Variants in TEX9 observed in about 807,000 individuals in gnomAD.
TEX9 encodes testis expressed 9.
A neutral mutation model predicts 59.6 loss-of-function variants in TEX9; 74 were observed. That is an observed-to-expected ratio of 1.24 (90% CI 1.03 to 1.51). The LOEUF (loss-of-function observed/expected upper bound fraction) is 1.51, where lower values mean the gene tolerates loss of function less well. Ranked by LOEUF, TEX9 falls within the 40% of genes most tolerant of loss-of-function variation. The pLI, the probability that TEX9 is intolerant of heterozygous loss-of-function variation, is 0.00. For missense variants in TEX9, 522 were observed against 447.8 expected (o/e 1.17, Z -1.49); for synonymous variants, 186 against 152.2 (o/e 1.22, Z -1.64).
chr15:56,390,200 G>C (rs1488796166), intron 6 of TEX9, among the ~76,000 whole-genome samples: 2 of 151,786 alleles, frequency 1.3e-5, no homozygotes, highest in African/African-American at 4.8e-5. Context: ...TATATAACTG[G>C]AAAGGGTTAT....
chr15:56,327,938 C>T lies in TEX9; in HGVS notation c.-106-45503C>T, dbSNP rs142618404. On this transcript the variant is annotated intron_variant, in intron 1 of 5. Transcript: ENST00000560827. ...CAAGAACCGCAACTCTTAGGCAAGT[C>T]GTAGTGCTGAACTGGGCTTGAGGCC... is the stretch of plus-strand genomic sequence containing the variant. 2.8e-3 allele frequency among the ~76,000 whole-genome samples: 422 copies of T among 152,122 alleles called. 4 individuals carry two copies. Among genetic ancestry groups the T allele is most frequent in the African/African-American group, 9.7e-3 (401 of 41,470 alleles).
chr15:56,300,706 A>AGAGAGAGAGAGG (rs1555431661), intron 1 of TEX9, among the ~76,000 whole-genome samples: 6 of 109,146 alleles, frequency 5.5e-5, no homozygotes, highest in Admixed American at 9.9e-5. Context: ...AGAGAGAGAG[A>AGAGAGAGAGAGG]GGGAGAGAGA....
At chr15:56,311,154 T>A (rs1197342592) in intron 1 of TEX9, among the ~76,000 whole-genome samples, 40 of 144,442 alleles carry the variant, frequency 2.8e-4, no homozygotes, top group Admixed American at 1.5e-3. Context: ...TTTTTTTTTT[T>A]AATTATACTT....
intron 1 of TEX9, among the ~76,000 whole-genome samples, chr15:56,341,089 T>C (rs1194582531): frequency 1.3e-5 from 2 of 152,166 alleles, no homozygotes; most frequent in Non-Finnish European, 2.9e-5. Flanking sequence ...TTTCTAAAGT[T>C]CTGCCACTCT....
chr15:56,293,042 A>G (rs2045133423), intron 1 of TEX9, among the ~76,000 whole-genome samples: 1 of 152,130 alleles, frequency 6.6e-6, no homozygotes, highest in Non-Finnish European at 1.5e-5. Flanking sequence ...TGACTAAGAC[A>G]TTTCCTTCTT....
intron 10 of TEX9, among the ~76,000 whole-genome samples, chr15:56,414,750 A>G (rs537074817): frequency 6.6e-6 from 1 of 151,966 alleles, no homozygotes; most frequent in Admixed American, 6.5e-5. Context: ...TCCTCTGGGT[A>G]TAATACCAAT....
chr15:56,320,688 T>C (rs1680716504), intron 1 of TEX9, among the ~76,000 whole-genome samples: 1 of 152,204 alleles, frequency 6.6e-6, no homozygotes, highest in Non-Finnish European at 1.5e-5. Flanking sequence ...TTGTGTATGC[T>C]TGCTGTATAT....
chr15:56,300,708 GGAGAGAGAGAGAGAGA>G (rs60361737), intron 1 of TEX9, among the ~76,000 whole-genome samples: 7 of 102,728 alleles, frequency 6.8e-5, no homozygotes, highest in Non-Finnish European at 3.9e-5. Flanking sequence ...AGAGAGAGAG[GGAGAGAGAGAGAGAGA>G]GAGAGAGAGA....
At chr15:56,456,346 G>A in the TEX9 span, 1 of 1,549,158 alleles carries the variant, frequency 6.5e-7, no homozygotes, top group Non-Finnish European at 8.7e-7. Context: ...TTACATAAGA[G>A]TTTAAAGATA....
At chr15:56,417,074 G>A (rs143945247) in intron 10 of TEX9, among the ~76,000 whole-genome samples, 2 of 151,724 alleles carry the variant, frequency 1.3e-5, no homozygotes, top group Non-Finnish European at 1.5e-5. Context: ...ATTTCTAATT[G>A]TGTTTATTTG....
intron 1 of TEX9, among the ~76,000 whole-genome samples, chr15:56,271,241 G>T (rs1223361965): frequency 6.6e-6 from 1 of 152,028 alleles, no homozygotes; most frequent in Admixed American, 6.6e-5. Context: ...TTCGAGCTTG[G>T]TTCCATTCTC....
intron 1 of TEX9, among the ~76,000 whole-genome samples, chr15:56,337,233 C>T (rs965023523): frequency 4.6e-5 from 7 of 152,116 alleles, no homozygotes; most frequent in African/African-American, 1.7e-4. Context: ...ATCCCCTTCA[C>T]ATTCAACTTG....
chr15:56,406,159 C>T (rs1477791930), intron 9 of TEX9, among the ~76,000 whole-genome samples: 1 of 152,118 alleles, frequency 6.6e-6, no homozygotes, highest in Non-Finnish European at 1.5e-5. Context: ...TATTTTTTCA[C>T]TACAAATTAG....
At chr15:56,439,530 C>T (rs1288057472) in intron 12 of TEX9, among the ~76,000 whole-genome samples, 1 of 151,870 alleles carries the variant, frequency 6.6e-6, no homozygotes, top group African/African-American at 2.4e-5. Context: ...CATAGACCAA[C>T]AGAACAAAAT....
chr15:56,385,970 C>T (rs1268418143), intron 4 of TEX9, among the ~76,000 whole-genome samples: 2 of 151,942 alleles, frequency 1.3e-5, no homozygotes, highest in Non-Finnish European at 2.9e-5. Context: ...GAAATATAGA[C>T]ATATATCCAC....
intron 1 of TEX9, among the ~76,000 whole-genome samples, chr15:56,311,801 A>T (rs1431182785): frequency 4.7e-5 from 7 of 147,668 alleles, no homozygotes; most frequent in African/African-American, 1.7e-4. Flanking sequence ...CCTCTCCAGC[A>T]CCTGTTGTTT....
chr15:56,396,951 G>A (rs1275565066), intron 9 of TEX9: 1 of 152,236 alleles, frequency 6.6e-6, no homozygotes, highest in African/African-American at 2.4e-5. Flanking sequence ...CAGTAAATTG[G>A]TACTAGTAGA....
intron 1 of TEX9, among the ~76,000 whole-genome samples, chr15:56,269,514 C>T (rs1216188538): frequency 7.2e-5 from 11 of 152,110 alleles, no homozygotes; most frequent in African/African-American, 2.4e-4. Context: ...GATTCTGGTA[C>T]GTTATGCCTT....
intron 12 of TEX9, chr15:56,444,642 A>T: frequency 6.2e-7 from 1 of 1,610,778 alleles, no homozygotes; most frequent in Non-Finnish European, 8.5e-7. Context: ...GTGTTCTTCC[A>T]TCATGGTTTT....
Sources: allele counts gnomAD v4.1 joint callset (sites outside exome capture counted in the v4.1 genomes callset), GRCh38; gene constraint gnomAD v4.1.1; transcripts MANE v1.5; gene names NCBI Gene and HGNC (gene_info 2026-07-23, HGNC 2026-07-21).